SGCD: variants seen among roughly 807,000 people sequenced by gnomAD.
SGCD encodes the protein sarcoglycan delta.
In SGCD, 18 loss-of-function variants were observed where a neutral mutation model predicts 36.6. That is an observed-to-expected ratio of 0.49 (90% confidence interval 0.34 to 0.73). SGCD has a LOEUF of 0.73. SGCD is among the 30% of genes least tolerant of loss of function. SGCD has a pLI of 0.01. For missense variants in SGCD, 387 were observed against 346.7 expected (o/e 1.12, Z -0.92); for synonymous variants, 133 against 130.6 (o/e 1.02, Z -0.12).
the SGCD span, among the ~76,000 whole-genome samples, chr5:155,776,562 C>G: frequency 6.6e-6 from 1 of 152,130 alleles, no homozygotes; most frequent in African/African-American, 2.4e-5. Flanking sequence ...CATCTCCAGT[C>G]TTCCTTTAAC....
chr5:156,498,396 T>C (rs1326758591), intron 3 of SGCD, among the ~76,000 whole-genome samples: 1 of 152,170 alleles, frequency 6.6e-6, no homozygotes, highest in East Asian at 1.9e-4. Context: ...TTTTAGAGTA[T>C]TTCTGTCACC....
At chr5:156,559,634 A>C (rs1261588990) in intron 4 of SGCD, among the ~76,000 whole-genome samples, 3 of 152,176 alleles carry the variant, frequency 2.0e-5, no homozygotes, top group Non-Finnish European at 4.4e-5. Flanking sequence ...CCTCATCTGT[A>C]AAATGGGAGT....
chr5:156,026,796 C>T (rs977484375), intron 1 of SGCD, among the ~76,000 whole-genome samples: 2 of 152,090 alleles, frequency 1.3e-5, no homozygotes, highest in Non-Finnish European at 2.9e-5. Flanking sequence ...TGGGAAAAAT[C>T]TGACTGATGG....
At chr5:156,433,449 G>A (rs1017785700) in intron 3 of SGCD, among the ~76,000 whole-genome samples, 1 of 152,154 alleles carries the variant, frequency 6.6e-6, no homozygotes, top group Non-Finnish European at 1.5e-5. Flanking sequence ...AAAGGCCCAC[G>A]TTGGTGGCTG....
chr5:156,618,482 C>T (rs1391329656), intron 6 of SGCD, among the ~76,000 whole-genome samples: 3 of 150,896 alleles, frequency 2.0e-5, no homozygotes, highest in Admixed American at 6.6e-5. Flanking sequence ...TGAACAACCA[C>T]GACCTAATAA....
intron 1 of SGCD, among the ~76,000 whole-genome samples, chr5:155,873,727 T>C (rs1050007049): frequency 5.9e-5 from 9 of 152,180 alleles, no homozygotes; most frequent in African/African-American, 2.2e-4. Flanking sequence ...ATAATTTTTA[T>C]ATTTCAGTAA....
intron 1 of SGCD, chr5:155,870,445 T>A (rs1755608254): frequency 6.6e-6 from 1 of 152,214 alleles, no homozygotes; most frequent in Non-Finnish European, 1.5e-5. Flanking sequence ...AAATTTTACT[T>A]ACATTATTTA....
At chr5:156,485,376 G>A (rs1273570153) in intron 3 of SGCD, among the ~76,000 whole-genome samples, 1 of 152,192 alleles carries the variant, frequency 6.6e-6, no homozygotes. Flanking sequence ...CAAAATGGCT[G>A]TGTGGGCCAT....
At position 156,221,560 on chromosome 5, in the gene SGCD, T is replaced by A. The variant is rs10063182; in HGVS notation, c.-44+97541T>A. On this transcript the variant is annotated intron_variant, in intron 3 of 9. Coordinates refer to the SGCD transcript ENST00000517913. ...GTTGTTGGGAGAATCTAATGAGATTTAAAAAAAAAACAAAAAACAAAAACA... is the reference window on the plus strand; with the variant it reads ...GTTGTTGGGAGAATCTAATGAGATTAAAAAAAAAAACAAAAAACAAAAACA... Among the ~76,000 whole-genome samples, 489 of 147,462 alleles carry A rather than the reference T, an allele frequency of 3.3e-3. 4 individuals are homozygous for A. The highest frequency in any genetic ancestry group is 0.011 in the African/African-American group (460 of 40,378).
At chr5:155,984,140 A>G (rs979866331) in intron 1 of SGCD, among the ~76,000 whole-genome samples, 2 of 152,224 alleles carry the variant, frequency 1.3e-5, no homozygotes, top group South Asian at 2.1e-4. Flanking sequence ...TGCAAAGCAC[A>G]TTCACATACT....
the SGCD span, among the ~76,000 whole-genome samples, chr5:155,773,546 G>A: frequency 6.6e-6 from 1 of 152,086 alleles, no homozygotes; most frequent in Non-Finnish European, 1.5e-5. Flanking sequence ...TACTGAGTAT[G>A]TAGGATTAAA....
intron 1 of SGCD, among the ~76,000 whole-genome samples, chr5:156,071,194 G>C (rs1350523037): frequency 2.0e-5 from 3 of 152,038 alleles, no homozygotes; most frequent in Non-Finnish European, 2.9e-5. Context: ...GTTTGCTCTT[G>C]CTTTTCTAGT....
At chr5:156,097,018 A>T (rs545462253) in intron 1 of SGCD, among the ~76,000 whole-genome samples, 35 of 152,148 alleles carry the variant, frequency 2.3e-4, no homozygotes, top group African/African-American at 7.9e-4. Flanking sequence ...GTGCTTGAAA[A>T]ATGTGCTACT....
At position 156,763,650 on chromosome 5, in the gene SGCD, C is replaced by CCTAT. The variant is rs1298287004; in HGVS notation, c.*4262_*4265dup. On this transcript the variant is annotated 3_prime_UTR_variant, in exon 9 of 9. Transcript: ENST00000337851. ...CTGCTTGTGTGTGGTAAGGCAGGTT[C>CCTAT]CTATCAGACATTTATCCCTTTGGTC... 1 of 151,816 alleles carries CCTAT rather than the reference C, an allele frequency of 6.6e-6. No homozygotes were observed. Among genetic ancestry groups the CCTAT allele is most frequent in the East Asian group, 1.9e-4 (1 of 5,168 alleles). The allele number at this position is 151,816 out of a possible 1,614,324, so 9.4% of individuals were successfully genotyped here.
At chr5:156,597,845 G>A (rs895637281) in intron 6 of SGCD, among the ~76,000 whole-genome samples, 2 of 152,246 alleles carry the variant, frequency 1.3e-5, no homozygotes, top group African/African-American at 4.8e-5. Context: ...CACCTTGTGG[G>A]GTAGACACCA....
In SGCD at chr5:156,061,465, C is replaced by A. The variant is rs1472591445; in HGVS notation, c.-281-56413C>A. ...ATGTTTTTAAATTCATACACTATAA[C>A]TGGTATCCTGAAAACCAGGATTCGA... On this transcript the variant is annotated intron_variant, in intron 1 of 9. Transcript: ENST00000517913. Among the ~76,000 whole-genome samples the A allele has an allele frequency of 3.4e-5, 5 of 146,130 alleles. 1 individual carries two copies. The highest frequency in any genetic ancestry group is 1.2e-4 in the African/African-American group (5 of 40,624).
At chr5:155,931,234 T>C (rs905010374) in intron 1 of SGCD, among the ~76,000 whole-genome samples, 2 of 152,188 alleles carry the variant, frequency 1.3e-5, no homozygotes, top group African/African-American at 4.8e-5. Flanking sequence ...TGGGTTATCT[T>C]CAGTGAATAA....
intron 7 of SGCD, among the ~76,000 whole-genome samples, chr5:156,674,733 C>T (rs1191987649): frequency 6.6e-6 from 1 of 152,206 alleles, no homozygotes; most frequent in Non-Finnish European, 1.5e-5. Context: ...AGTTAAAATT[C>T]CTTGCAAAAC....
chr5:156,676,697 C>T (rs1031925780), intron 7 of SGCD, among the ~76,000 whole-genome samples: 1 of 152,172 alleles, frequency 6.6e-6, no homozygotes, highest in Non-Finnish European at 1.5e-5. Context: ...TGTCATTTCA[C>T]AAGGTGAACC....
Sources: allele counts gnomAD v4.1 joint callset (sites outside exome capture counted in the v4.1 genomes callset), GRCh38; gene constraint gnomAD v4.1.1; transcripts MANE v1.5; gene names NCBI Gene and HGNC (gene_info 2026-07-23, HGNC 2026-07-21).